The following BMP6 variants were observed in gnomAD, a reference collection of about 807,000 sequenced individuals.
The protein encoded by BMP6 is bone morphogenetic protein 6.
A neutral mutation model predicts 54.1 loss-of-function variants in BMP6; 17 were observed. The observed-to-expected ratio is 0.31, with a 90% confidence interval of 0.22 to 0.47. The LOEUF is 0.47. Among genes scored for constraint, BMP6 ranks in the 20% least tolerant of loss-of-function variants. The pLI, the probability that BMP6 is intolerant of heterozygous loss-of-function variation, is 1.00. For synonymous variants in BMP6, 328 were observed against 291.2 expected, an observed-to-expected ratio of 1.13 and a Z score of -1.28; for missense variants, 720 against 690.4, an observed-to-expected ratio of 1.04 and a Z score of -0.48.
chr6:7,820,176 T>C (rs1199705828), intron 1 of BMP6, among the ~76,000 whole-genome samples: 2 of 152,254 alleles, frequency 1.3e-5, no homozygotes, highest in African/African-American at 4.8e-5. Context: ...AGTATGTGTA[T>C]ATACCTTTTA....
At position 7,766,131 on chromosome 6, in the gene BMP6, A is replaced by G. The variant is rs542901210; in HGVS notation, c.664+38512A>G. Among the ~76,000 whole-genome samples, 3 of 152,278 alleles carry G rather than the reference A, an allele frequency of 2.0e-5. 1 individual carries two copies. In the South Asian group the frequency reaches 6.2e-4, roughly 32 times the overall value. Reference sequence around the variant, plus strand: ...CCACAATAAACTTAATGTCTTCACAATGACTCACAGTTTTTAAAGGGGAGA... The same window carrying G: ...CCACAATAAACTTAATGTCTTCACAGTGACTCACAGTTTTTAAAGGGGAGA... On this transcript the variant is annotated intron_variant, in intron 1 of 6. Coordinates refer to ENST00000283147, the MANE Select transcript of BMP6 (RefSeq NM_001718.6).
At chr6:7,780,613 AT>A (rs561214093) in intron 1 of BMP6, among the ~76,000 whole-genome samples, 126 of 151,848 alleles carry the variant, frequency 8.3e-4, no homozygotes, top group African/African-American at 1.8e-3. Flanking sequence ...CTTAATATAC[AT>A]TTTTTTTATA....
chr6:7,737,609 T>TA lies in BMP6; in HGVS notation c.664+9991dup, dbSNP rs147337801. ...GGTGAAGGAGGTATCCAGTGGATGT[T>TA]AGAGTCCCTTTCTGTCTTGCTTTCC... On this transcript the variant is annotated intron_variant, in intron 1 of 6. Transcript: ENST00000283147. 3.9e-3 allele frequency among the ~76,000 whole-genome samples: 589 copies of TA among 152,244 alleles called. 5 individuals are homozygous for TA. Among genetic ancestry groups the TA allele is most frequent in the African/African-American group, 0.014 (561 of 41,550 alleles).
intron 1 of BMP6, among the ~76,000 whole-genome samples, chr6:7,799,765 T>A (rs1160081575): frequency 6.6e-6 from 1 of 151,868 alleles, no homozygotes; most frequent in African/African-American, 2.4e-5. Context: ...AGATAATGTC[T>A]CTGGTGCTTA....
Position 7,845,350 on chromosome 6 carries a change from A to T in BMP6, c.857+18A>T. ...CAGCACAGGTATGAAGGCTCGAGAA[A>T]GCCCCAAAGGTGGGGCTGGCCCCTG... On this transcript the variant is annotated intron_variant, in intron 2 of 6. Coordinates refer to ENST00000283147, the MANE Select transcript of BMP6 (RefSeq NM_001718.6). 1 of 1,602,920 alleles carries T rather than the reference A, an allele frequency of 6.2e-7. No individual in the cohort carries two copies. The highest frequency in any genetic ancestry group is 8.5e-7 in the Non-Finnish European group (1 of 1,172,770).
chr6:7,826,419 G>A (rs772733649), intron 1 of BMP6, among the ~76,000 whole-genome samples: 62 of 152,286 alleles, frequency 4.1e-4, no homozygotes, highest in Middle Eastern at 6.8e-3. Context: ...AGGGGCCTGG[G>A]GAAGTGCCTT....
intron 1 of BMP6, among the ~76,000 whole-genome samples, chr6:7,792,823 A>G (rs1047849419): frequency 9.9e-5 from 15 of 152,248 alleles, no homozygotes; most frequent in African/African-American, 3.6e-4. Context: ...CATAGCAGAC[A>G]AACTGCAAGA....
At position 7,730,308 on chromosome 6, in the gene BMP6, A is replaced by C. The variant is rs568574321; in HGVS notation, c.664+2689A>C. ...GACATTTTTCGTAAAGGATTTTGAA[A>C]GATCTAAAAAAATCCCCTAAAAATT... On this transcript the variant is annotated intron_variant, in intron 1 of 6. Transcript: ENST00000283147. Among the ~76,000 whole-genome samples, 3 of 152,336 alleles carry C rather than the reference A, an allele frequency of 2.0e-5. No individual in the cohort carries two copies. In the East Asian group the frequency reaches 5.8e-4, roughly 29 times the overall value.
chr6:7,852,370 C>T (rs1284146497), intron 2 of BMP6, among the ~76,000 whole-genome samples: 1 of 152,094 alleles, frequency 6.6e-6, no homozygotes, highest in Non-Finnish European at 1.5e-5. Flanking sequence ...CCTAGGAGTT[C>T]AGGACTGGCC....
chr6:7,872,814 CTTTTTTTT>C (rs55666956), intron 4 of BMP6, among the ~76,000 whole-genome samples: 1 of 133,838 alleles, frequency 7.5e-6, no homozygotes, highest in East Asian at 2.1e-4. Flanking sequence ...CTTTTTTTTT[CTTTTTTTT>C]TTTTTTTTGA....
chr6:7,834,204 T>A (rs1183831763), intron 1 of BMP6, among the ~76,000 whole-genome samples: 36 of 134,448 alleles, frequency 2.7e-4, no homozygotes, highest in Admixed American at 9.3e-4. Context: ...TTTTTTTTTT[T>A]TAGGAAAAAA....
At chr6:7,856,737 C>T (rs932315609) in intron 2 of BMP6, among the ~76,000 whole-genome samples, 1 of 148,860 alleles carries the variant, frequency 6.7e-6, no homozygotes, top group African/African-American at 2.5e-5. Context: ...GCTGGGACTA[C>T]AGGCGCCCGC....
In BMP6 at chr6:7,726,922, G is replaced by A. The variant is rs953331948; in HGVS notation, c.-34G>A. ...GCCTCGCTCCGCCGCTCCACGCCTC[G>A]CGGGATCCGCGGGGGCAGCCCGGCC... is the stretch of plus-strand genomic sequence containing the variant. On this transcript the variant is annotated 5_prime_UTR_variant, in exon 1 of 7. Transcript: ENST00000283147. 81 of 1,127,236 alleles carry A rather than the reference G, an allele frequency of 7.2e-5. 1 individual carries two copies. The African/African-American group carries it at 1.3e-3, about 17-fold the overall frequency. The allele number at this position is 1,127,236 out of a possible 1,614,324, so 69.8% of individuals were successfully genotyped here. A position where few individuals can be genotyped will look rare whatever the true frequency, so the allele number is the denominator to read the frequency against.
At chr6:7,770,876 C>T (rs1302977878) in intron 1 of BMP6, among the ~76,000 whole-genome samples, 1 of 152,196 alleles carries the variant, frequency 6.6e-6, no homozygotes, top group African/African-American at 2.4e-5. Flanking sequence ...CCCAGGCCTC[C>T]CTTATTGAGT....
chr6:7,728,866 G>T lies in BMP6; in HGVS notation c.664+1247G>T, dbSNP rs180796498. On this transcript the variant is annotated intron_variant, in intron 1 of 6. Transcript: ENST00000283147. ...TTTTAACGGCATTACTTACTGGAATGATTCCCGCGTAGACTATCTGGGTGA... is the reference window on the plus strand; with the variant it reads ...TTTTAACGGCATTACTTACTGGAATTATTCCCGCGTAGACTATCTGGGTGA... 1.4e-4 allele frequency among the ~76,000 whole-genome samples: 22 copies of T among 152,342 alleles called. No individual in the cohort carries two copies. In the East Asian group the frequency reaches 3.9e-3, roughly 27 times the overall value.
chr6:7,838,277 C>T (rs6940057), intron 1 of BMP6, among the ~76,000 whole-genome samples: 11,606 of 152,026 alleles, frequency 0.076, 773 homozygotes, highest in African/African-American at 0.18. Flanking sequence ...TAGGTATGCA[C>T]GTATAGGAAG....
chr6:7,850,805 G>A (rs1394319208), intron 2 of BMP6, among the ~76,000 whole-genome samples: 1 of 152,170 alleles, frequency 6.6e-6, no homozygotes, highest in African/African-American at 2.4e-5. Flanking sequence ...ACCACAGGGC[G>A]AACCACTGAA....
intron 2 of BMP6, among the ~76,000 whole-genome samples, chr6:7,848,282 A>G (rs1265593854): frequency 1.3e-5 from 2 of 152,208 alleles, no homozygotes; most frequent in Non-Finnish European, 2.9e-5. Flanking sequence ...CCCCAGAATC[A>G]TGTAACTGGG....
chr6:7,807,182 C>T (rs1758358789), intron 1 of BMP6, among the ~76,000 whole-genome samples: 1 of 152,180 alleles, frequency 6.6e-6, no homozygotes, highest in Non-Finnish European at 1.5e-5. Flanking sequence ...TCTTAGACCT[C>T]CTGTTCTATC....
Sources: gnomAD v4.1 joint callset for allele counts (sites outside exome capture counted in the v4.1 genomes callset) on GRCh38, gnomAD v4.1.1 for gene constraint, MANE v1.5 for transcripts, NCBI Gene and HGNC (gene_info 2026-07-23, HGNC 2026-07-21) for gene names.